Variants in WWOX observed in about 807,000 individuals in gnomAD.
The protein encoded by WWOX is WW domain containing oxidoreductase.
In WWOX, 69 loss-of-function variants were observed where a neutral mutation model predicts 46.2. The observed-to-expected ratio is 1.49, with a 90% CI of 1.23 to 1.82. The LOEUF is 1.82. WWOX is among the 40% of genes most tolerant of loss of function. The probability of loss-of-function intolerance (pLI) is 0.00; values close to 1 mark genes in which losing one functional copy is unlikely to be tolerated. For missense variants in WWOX, 919 were observed against 542.6 expected (o/e 1.69, Z -6.89); for synonymous variants, 359 against 202.6 (o/e 1.77, Z -6.56).
At chr16:78,179,452 G>A (rs539205315) in intron 5 of WWOX, among the ~76,000 whole-genome samples, 203 of 152,250 alleles carry the variant, frequency 1.3e-3, no homozygotes, top group African/African-American at 4.7e-3. Context: ...GCCCACAGAA[G>A]GTAACTTAGG....
intron 8 of WWOX, among the ~76,000 whole-genome samples, chr16:78,558,092 G>T (rs2044350077): frequency 6.6e-6 from 1 of 152,100 alleles, no homozygotes; most frequent in African/African-American, 2.4e-5. Flanking sequence ...CTGTGATTCT[G>T]AAGGCCCCGG....
intron 5 of WWOX, among the ~76,000 whole-genome samples, chr16:78,170,190 C>T (rs562858322): frequency 2.0e-5 from 3 of 152,192 alleles, no homozygotes; most frequent in African/African-American, 7.2e-5. Context: ...GTCCCCAGTT[C>T]ATAACCACGG....
chr16:78,828,465 G>A (rs6564603), intron 8 of WWOX, among the ~76,000 whole-genome samples: 84,943 of 151,790 alleles, frequency 0.56, 23,892 homozygotes, highest in Middle Eastern at 0.62. Context: ...CCATCTGCCT[G>A]TGGGGTGTCT....
chr16:78,352,450 G>C (rs2081204913), intron 5 of WWOX, among the ~76,000 whole-genome samples: 1 of 152,188 alleles, frequency 6.6e-6, no homozygotes, highest in African/African-American at 2.4e-5. Flanking sequence ...CCAGCTTCCA[G>C]GGACTGCCCA....
chr16:79,000,466 G>A lies in WWOX; in HGVS notation c.1057-211142G>A, dbSNP rs377521149. On this transcript the variant is annotated intron_variant, in intron 8 of 8. Transcript: ENST00000566780. ...GGTAGGCCCAGTCGAATCAGAGATGGGGAAAAGAGAGGCAGATGGGTCATA... is the reference window on the plus strand; with the variant it reads ...GGTAGGCCCAGTCGAATCAGAGATGAGGAAAAGAGAGGCAGATGGGTCATA... 2.0e-5 allele frequency among the ~76,000 whole-genome samples: 3 copies of A among 152,176 alleles called. No individual in the cohort carries two copies. The East Asian group carries it at 5.8e-4, about 29-fold the overall frequency.
At chr16:78,661,643 G>C (rs2550638) in intron 8 of WWOX, among the ~76,000 whole-genome samples, 39 of 151,218 alleles carry the variant, frequency 2.6e-4, no homozygotes, top group Non-Finnish European at 5.0e-4. Context: ...GTGTTGCTGA[G>C]AGGTGGGGAG....
chr16:78,249,280 A>T (rs2037914966), intron 5 of WWOX, among the ~76,000 whole-genome samples: 1 of 152,198 alleles, frequency 6.6e-6, no homozygotes, highest in African/African-American at 2.4e-5. Context: ...TGCAGGCATT[A>T]ATGCAAAGCT....
intron 8 of WWOX, among the ~76,000 whole-genome samples, chr16:78,701,535 C>G (rs2048217654): frequency 2.0e-5 from 3 of 152,106 alleles, no homozygotes. Context: ...TCTCTACTCC[C>G]TCTCCCTACT....
intron 4 of WWOX, among the ~76,000 whole-genome samples, chr16:78,156,723 A>G (rs1376521449): frequency 6.6e-6 from 1 of 152,150 alleles, no homozygotes; most frequent in Non-Finnish European, 1.5e-5. Context: ...TAGGAGTTCG[A>G]GAGCAGCCTG....
At chr16:79,145,020 C>T (rs897989189) in intron 8 of WWOX, among the ~76,000 whole-genome samples, 1 of 152,184 alleles carries the variant, frequency 6.6e-6, no homozygotes, top group East Asian at 1.9e-4. Context: ...TGTGCAGAAG[C>T]GGAGGCTACT....
intron 8 of WWOX, among the ~76,000 whole-genome samples, chr16:79,100,686 C>G (rs2049173983): frequency 6.6e-6 from 1 of 152,160 alleles, no homozygotes; most frequent in East Asian, 1.9e-4. Flanking sequence ...CCTAGCTAAG[C>G]ACTCAGCCTA....
intron 5 of WWOX, among the ~76,000 whole-genome samples, chr16:78,201,847 G>A (rs764946246): frequency 3.3e-5 from 5 of 151,872 alleles, no homozygotes; most frequent in Non-Finnish European, 7.4e-5. Context: ...CTACAGGCAC[G>A]TGCCACCATG....
chr16:78,431,691 C>CTT (rs200599534), intron 7 of WWOX, among the ~76,000 whole-genome samples: 15,778 of 143,536 alleles, frequency 0.11, 1,315 homozygotes, highest in African/African-American at 0.22. Context: ...GTAGCCAATC[C>CTT]TTTTTTTTTT....
chr16:78,676,126 C>T (rs2047592916), intron 8 of WWOX, among the ~76,000 whole-genome samples: 1 of 151,602 alleles, frequency 6.6e-6, no homozygotes, highest in South Asian at 2.1e-4. Context: ...ACCAGACAAC[C>T]AGACTGAGAG....
chr16:78,819,018 G>GC (rs1413139781), intron 8 of WWOX, among the ~76,000 whole-genome samples: 2 of 152,206 alleles, frequency 1.3e-5, no homozygotes, highest in African/African-American at 4.8e-5. Flanking sequence ...ATGGAGGCTT[G>GC]TTGAGAAAAT....
In WWOX at chr16:78,790,168, G is replaced by T. The variant is rs147032923; in HGVS notation, c.1056+357416G>T. On this transcript the variant is annotated intron_variant, in intron 8 of 8. Transcript: ENST00000566780. Reference sequence around the variant, plus strand: ...TTTTATTTTTTTGGGACAGGGTCTTGCTCTGTTGCCCGGGCTGGAGTGCAG... The same window carrying T: ...TTTTATTTTTTTGGGACAGGGTCTTTCTCTGTTGCCCGGGCTGGAGTGCAG... Among the ~76,000 whole-genome samples, 1,428 of 152,098 alleles carry T rather than the reference G, an allele frequency of 9.4e-3. 24 individuals are homozygous for T. The highest frequency in any genetic ancestry group is 0.033 in the African/African-American group (1,368 of 41,482).
At chr16:78,732,955 G>A (rs928348922) in intron 8 of WWOX, among the ~76,000 whole-genome samples, 11 of 152,162 alleles carry the variant, frequency 7.2e-5, no homozygotes, top group African/African-American at 1.7e-4. Context: ...TACTGAGCTC[G>A]AGTGGATGGC....
intron 8 of WWOX, among the ~76,000 whole-genome samples, chr16:78,839,031 G>A (rs373881613): frequency 2.6e-5 from 4 of 152,102 alleles, no homozygotes; most frequent in African/African-American, 9.7e-5. Flanking sequence ...TCGTACTAGA[G>A]TTTTGTGAGA....
intron 8 of WWOX, among the ~76,000 whole-genome samples, chr16:78,441,275 C>T (rs536106900): frequency 6.6e-6 from 1 of 152,250 alleles, no homozygotes; most frequent in Admixed American, 6.5e-5. Context: ...GGTGTTTTTG[C>T]CTTCACACTA....
Sources: gnomAD v4.1 joint callset for allele counts (sites outside exome capture counted in the v4.1 genomes callset) on GRCh38, gnomAD v4.1.1 for gene constraint, MANE v1.5 for transcripts, NCBI Gene and HGNC (gene_info 2026-07-23, HGNC 2026-07-21) for gene names.